Variants in GALNTL6 observed in about 807,000 individuals in gnomAD.
GALNTL6 encodes polypeptide N-acetylgalactosaminyltransferase-like 6.
In GALNTL6, 46 loss-of-function variants were observed where a neutral mutation model predicts 73.7. The observed-to-expected ratio is 0.62, with a 90% CI of 0.49 to 0.80. The LOEUF is 0.80. Among genes scored for constraint, GALNTL6 ranks in the 30% least tolerant of loss-of-function variants. The probability of loss-of-function intolerance (pLI) is 0.00; values close to 1 mark genes in which losing one functional copy is unlikely to be tolerated. For synonymous variants in GALNTL6, 259 were observed against 263.7 expected (o/e 0.98, Z 0.17); for missense variants, 604 against 755.0 (o/e 0.80, Z 2.34).
At chr4:172,493,112 A>G (rs1276704863) in intron 5 of GALNTL6, among the ~76,000 whole-genome samples, 1 of 152,226 alleles carries the variant, frequency 6.6e-6, no homozygotes, top group Admixed American at 6.5e-5. Flanking sequence ...ACTATTTTTT[A>G]AATATCAAAT....
chr4:171,820,473 G>A lies in GALNTL6; in HGVS notation c.138+5755G>A, dbSNP rs577248043. Among the ~76,000 whole-genome samples, 4 of 152,172 alleles carry A rather than the reference G, an allele frequency of 2.6e-5. No homozygotes were observed. In the South Asian group the frequency reaches 6.2e-4, roughly 24 times the overall value. ...TACACAGGTACATATACCCATATCC[G>A]TAGTTTCACTTATAAAGAAAAATTA... On this transcript the variant is annotated intron_variant, in intron 2 of 12. Coordinates refer to ENST00000506823, the MANE Select transcript of GALNTL6 (RefSeq NM_001034845.3).
At chr4:172,580,677 C>A (rs1049153008) in intron 5 of GALNTL6, among the ~76,000 whole-genome samples, 3 of 152,114 alleles carry the variant, frequency 2.0e-5, no homozygotes, top group African/African-American at 7.2e-5. Flanking sequence ...CACCTACTAG[C>A]CTTTTGATTT....
chr4:172,682,723 A>G (rs1041681576), intron 5 of GALNTL6, among the ~76,000 whole-genome samples: 1 of 152,144 alleles, frequency 6.6e-6, no homozygotes, highest in African/African-American at 2.4e-5. Context: ...TCCCCACTCA[A>G]AAAGGCTAAT....
At chr4:172,358,562 T>G (rs1742247403) in intron 5 of GALNTL6, among the ~76,000 whole-genome samples, 1 of 152,298 alleles carries the variant, frequency 6.6e-6, no homozygotes. Context: ...TTAGTGTTAG[T>G]GTATTTTATG....
chr4:172,172,608 C>T (rs1734866644), intron 2 of GALNTL6, among the ~76,000 whole-genome samples: 1 of 152,072 alleles, frequency 6.6e-6, no homozygotes, highest in African/African-American at 2.4e-5. Flanking sequence ...AGGACAGAGG[C>T]TTCAGAAGAA....
intron 3 of GALNTL6, among the ~76,000 whole-genome samples, chr4:172,301,311 G>C (rs1373999855): frequency 6.6e-6 from 1 of 152,046 alleles, no homozygotes; most frequent in Non-Finnish European, 1.5e-5. Context: ...CCATGGGTTC[G>C]AACTTCCACC....
chr4:172,462,044 A>G (rs1344858522), intron 5 of GALNTL6, among the ~76,000 whole-genome samples: 2 of 152,084 alleles, frequency 1.3e-5, no homozygotes, highest in Non-Finnish European at 2.9e-5. Flanking sequence ...TGAGACATCC[A>G]TCTTCTCTTG....
rs948724103 is a variant in GALNTL6 at position 172,096,117 on chromosome 4, T to A, written c.139-133539T>A. On this transcript the variant is annotated intron_variant, in intron 2 of 12. Transcript: ENST00000506823. ...GTGTGTGTGTGTGTGTGTATGTGTG[T>A]TTAAGAGACAGGGTCTTATTCTGTT... Among the ~76,000 whole-genome samples, 3 of 151,606 alleles carry A rather than the reference T, an allele frequency of 2.0e-5. No individual in the cohort carries two copies. In the East Asian group the frequency reaches 5.8e-4, roughly 29 times the overall value.
intron 2 of GALNTL6, among the ~76,000 whole-genome samples, chr4:172,040,086 GAAACACAA>G (rs1490132920): frequency 6.6e-6 from 1 of 151,960 alleles, no homozygotes; most frequent in Non-Finnish European, 1.5e-5. Context: ...TACTTTGAAA[GAAACACAA>G]AAACAAGGTC....
chr4:172,252,238 C>T (rs771396469), intron 3 of GALNTL6, among the ~76,000 whole-genome samples: 49 of 152,076 alleles, frequency 3.2e-4, no homozygotes, highest in Non-Finnish European at 6.0e-4. Context: ...TTAGCAGATG[C>T]TAGTTAAATT....
At chr4:172,908,535 T>C (rs1434686193) in intron 8 of GALNTL6, among the ~76,000 whole-genome samples, 2 of 151,438 alleles carry the variant, frequency 1.3e-5, no homozygotes, top group Non-Finnish European at 2.9e-5. Flanking sequence ...AATAATGCAG[T>C]GAAATCAACT....
chr4:171,819,645 G>A (rs1350009131), intron 2 of GALNTL6, among the ~76,000 whole-genome samples: 2 of 152,046 alleles, frequency 1.3e-5, no homozygotes, highest in African/African-American at 2.4e-5. Flanking sequence ...GTCTCTCCTT[G>A]CAACATTTTT....
intron 5 of GALNTL6, among the ~76,000 whole-genome samples, chr4:172,800,560 T>G (rs550473056): frequency 9.2e-5 from 14 of 152,200 alleles, no homozygotes; most frequent in Non-Finnish European, 1.8e-4. Flanking sequence ...GGTAAGATAT[T>G]TACATTTGGG....
intron 2 of GALNTL6, among the ~76,000 whole-genome samples, chr4:171,979,214 GT>G (rs373544531): frequency 5.9e-5 from 9 of 152,170 alleles, no homozygotes; most frequent in African/African-American, 1.9e-4. Context: ...CAAAGGCAGT[GT>G]TTTTTAATCA....
Position 173,020,809 on chromosome 4 carries a change from A to C in GALNTL6, c.1489-667A>C, listed in dbSNP as rs1003164077. On this transcript the variant is annotated intron_variant, in intron 11 of 12. Transcript: ENST00000506823. ...ACTTTCTGGCCAGGCACAGTGGCTCATGCCTGTAATCCCAGCACTTTGGGA... is the reference window on the plus strand; with the variant it reads ...ACTTTCTGGCCAGGCACAGTGGCTCCTGCCTGTAATCCCAGCACTTTGGGA... Among the ~76,000 whole-genome samples, 4 of 152,234 alleles carry C rather than the reference A, an allele frequency of 2.6e-5. No homozygotes were observed. The East Asian group carries it at 7.7e-4, about 29-fold the overall frequency.
intron 5 of GALNTL6, among the ~76,000 whole-genome samples, chr4:172,686,409 G>A (rs1355418479): frequency 6.6e-6 from 1 of 152,128 alleles, no homozygotes; most frequent in Non-Finnish European, 1.5e-5. Flanking sequence ...TGGCTCTGGT[G>A]TTCATGGAAG....
intron 7 of GALNTL6, among the ~76,000 whole-genome samples, chr4:172,817,175 C>A (rs554473406): frequency 6.6e-6 from 1 of 151,760 alleles, no homozygotes; most frequent in South Asian, 2.1e-4. Flanking sequence ...CCTGTAATCC[C>A]AGCACTTTGG....
Position 172,872,322 on chromosome 4 carries a change from C to T in GALNTL6, c.924-10468C>T, listed in dbSNP as rs192919026. On this transcript the variant is annotated intron_variant, in intron 7 of 12. Transcript: ENST00000506823. ...TTTAGGATAAAAATGTGAATGAAAACAGCATCCTATACTTCTGATTTTGAT... is the reference window on the plus strand; with the variant it reads ...TTTAGGATAAAAATGTGAATGAAAATAGCATCCTATACTTCTGATTTTGAT... Among the ~76,000 whole-genome samples the T allele has an allele frequency of 2.6e-3, 394 of 152,272 alleles. 2 individuals are homozygous for T. The highest frequency in any genetic ancestry group is 4.3e-3 in the Non-Finnish European group (291 of 68,006).
chr4:172,381,797 G>C (rs1743294105), intron 5 of GALNTL6, among the ~76,000 whole-genome samples: 1 of 152,112 alleles, frequency 6.6e-6, no homozygotes, highest in Admixed American at 6.6e-5. Flanking sequence ...GTATACTTAG[G>C]AGTCAAATTG....
Sources: allele counts gnomAD v4.1 joint callset (sites outside exome capture counted in the v4.1 genomes callset), GRCh38; gene constraint gnomAD v4.1.1; transcripts MANE v1.5; gene names NCBI Gene and HGNC (gene_info 2026-07-23, HGNC 2026-07-21).